FAM3B: variants seen among roughly 807,000 people sequenced by gnomAD.
The protein encoded by FAM3B is FAM3 metabolism regulating signaling molecule B, also known as protein FAM3B.
FAM3B carries 29 observed loss-of-function variants against 28.4 expected under a neutral mutation model. The ratio of observed to expected loss-of-function variants is 1.02; its 90% CI spans 0.76 to 1.39. The LOEUF (loss-of-function observed/expected upper bound fraction) is 1.39. Among genes scored for constraint, FAM3B ranks in the 40% most tolerant of loss-of-function variants. FAM3B has a pLI of 0.00. For synonymous variants in FAM3B, 91 were observed against 103.0 expected (o/e 0.88, Z 0.71); for missense variants, 266 against 293.9 (o/e 0.91, Z 0.69).
intron 7 of FAM3B, among the ~76,000 whole-genome samples, chr21:41,350,027 G>T (rs2089102635): frequency 6.6e-6 from 1 of 152,174 alleles, no homozygotes; most frequent in African/African-American, 2.4e-5. Context: ...GCTCTGATTG[G>T]TGGGGCTCCT....
intron 6 of FAM3B, 46 bp downstream of exon 6, chr21:41,347,146 C>T: frequency 6.4e-7 from 1 of 1,559,646 alleles, no homozygotes; most frequent in Non-Finnish European, 8.8e-7. Context: ...GAGAAGCCAG[C>T]TGGGGCAGAG....
chr21:41,352,938 A>G (rs1026387218), intron 7 of FAM3B, among the ~76,000 whole-genome samples: 1 of 152,190 alleles, frequency 6.6e-6, no homozygotes, highest in Admixed American at 6.5e-5. Context: ...CCACTAAAAA[A>G]CTATTTGAAC....
chr21:41,351,662 AG>A (rs1343394254), intron 7 of FAM3B, among the ~76,000 whole-genome samples: 3 of 152,190 alleles, frequency 2.0e-5, no homozygotes, highest in African/African-American at 4.8e-5. Flanking sequence ...CTGAGTCCTC[AG>A]GGGTCTCCCC....
At chr21:41,355,754 T>C (rs966731270) in intron 7 of FAM3B, among the ~76,000 whole-genome samples, 3 of 152,192 alleles carry the variant, frequency 2.0e-5, no homozygotes, top group Non-Finnish European at 2.9e-5. Flanking sequence ...AAATTGACCA[T>C]GGTGATGGTT....
intron 2 of FAM3B, among the ~76,000 whole-genome samples, chr21:41,325,685 C>G (rs1481375260): frequency 6.6e-6 from 1 of 152,182 alleles, no homozygotes; most frequent in Non-Finnish European, 1.5e-5. Flanking sequence ...ACTATGGTTT[C>G]TTTTAAATCT....
chr21:41,349,178 C>G (rs1454798778), intron 7 of FAM3B, among the ~76,000 whole-genome samples: 1 of 152,208 alleles, frequency 6.6e-6, no homozygotes, highest in African/African-American at 2.4e-5. Context: ...GTGATTGATT[C>G]TAAGTCCCTC....
chr21:41,336,619 T>C (rs1260317975), intron 2 of FAM3B, among the ~76,000 whole-genome samples: 1 of 152,226 alleles, frequency 6.6e-6, no homozygotes, highest in Non-Finnish European at 1.5e-5. Context: ...TAAGACAAAA[T>C]TTAATTTTTA....
chr21:41,345,678 A>G lies in FAM3B; in HGVS notation c.347-8A>G. 2 of 1,530,572 alleles carry G rather than the reference A, an allele frequency of 1.3e-6. No homozygotes were observed. Among genetic ancestry groups the G allele is most frequent in the South Asian group, 1.3e-5 (1 of 79,268 alleles). The allele number at this position is 1,530,572 out of a possible 1,614,324, so 94.8% of individuals were successfully genotyped here. ...TTTCTTTTAAAATACCATTTCTTTT[A>G]TTTTCAGATGTAACTGGGAATGTGA... On this transcript the variant is annotated splice_region_variant and splice_polypyrimidine_tract_variant and intron_variant, in intron 4 of 7. Transcript: ENST00000357985.
At chr21:41,329,333 C>T (rs1362142327) in intron 2 of FAM3B, among the ~76,000 whole-genome samples, 1 of 152,180 alleles carries the variant, frequency 6.6e-6, no homozygotes, top group Non-Finnish European at 1.5e-5. Flanking sequence ...CACCTTCTCG[C>T]CTTGTCCTGC....
intron 1 of FAM3B, among the ~76,000 whole-genome samples, chr21:41,318,704 T>C (rs540221778): frequency 2.6e-5 from 4 of 152,168 alleles, no homozygotes; most frequent in African/African-American, 9.6e-5. Flanking sequence ...AAGACAGCAG[T>C]GAAAACAGCT....
chr21:41,310,472 C>G (rs2088703185), intron 1 of FAM3B, among the ~76,000 whole-genome samples: 1 of 152,134 alleles, frequency 6.6e-6, no homozygotes, highest in South Asian at 2.1e-4. Context: ...ATCTGTGTCA[C>G]TTTTGTGCAC....
At chr21:41,354,228 C>T (rs996907499) in intron 7 of FAM3B, among the ~76,000 whole-genome samples, 1 of 152,182 alleles carries the variant, frequency 6.6e-6, no homozygotes, top group Admixed American at 6.5e-5. Flanking sequence ...AGACATGTGG[C>T]AATTCCTCAG....
chr21:41,351,904 A>G (rs1227196602), intron 7 of FAM3B, among the ~76,000 whole-genome samples: 6 of 152,228 alleles, frequency 3.9e-5, no homozygotes, highest in Admixed American at 3.9e-4. Context: ...AACCTGGTTC[A>G]GATCTGGACT....
chr21:41,324,051 T>C (rs960307397), intron 2 of FAM3B, among the ~76,000 whole-genome samples: 9 of 152,154 alleles, frequency 5.9e-5, no homozygotes. Context: ...GCTCCTTTTA[T>C]AAGGGCACTA....
intron 1 of FAM3B, among the ~76,000 whole-genome samples, chr21:41,305,605 A>G (rs927075683): frequency 1.3e-5 from 2 of 152,220 alleles, no homozygotes; most frequent in Admixed American, 1.3e-4. Context: ...TGTGTCATAC[A>G]AACATTCTGG....
chr21:41,321,713 C>T (rs1264343256), intron 1 of FAM3B, among the ~76,000 whole-genome samples: 2 of 152,228 alleles, frequency 1.3e-5, no homozygotes, highest in East Asian at 3.8e-4. Flanking sequence ...TCTGCTGAAG[C>T]GCTGGGCCTC....
chr21:41,311,085 G>C (rs2088706722), intron 1 of FAM3B, among the ~76,000 whole-genome samples: 1 of 150,716 alleles, frequency 6.6e-6, no homozygotes, highest in African/African-American at 2.4e-5. Context: ...CTAAAGCAGT[G>C]GTTCTCAAAC....
At chr21:41,351,535 C>T (rs972201729) in intron 7 of FAM3B, among the ~76,000 whole-genome samples, 5 of 152,260 alleles carry the variant, frequency 3.3e-5, no homozygotes, top group South Asian at 2.1e-4. Context: ...CAGGTCTTAC[C>T]GAGACCTTGA....
intron 1 of FAM3B, among the ~76,000 whole-genome samples, chr21:41,306,805 G>A (rs1031986987): frequency 3.3e-5 from 5 of 152,316 alleles, no homozygotes; most frequent in Admixed American, 1.3e-4. Flanking sequence ...TTACCTGGAT[G>A]TTATATTGCT....
Sources: gnomAD v4.1 joint callset for allele counts (sites outside exome capture counted in the v4.1 genomes callset) on GRCh38, gnomAD v4.1.1 for gene constraint, MANE v1.5 for transcripts, NCBI Gene and HGNC (gene_info 2026-07-23, HGNC 2026-07-21) for gene names.